DLGAP2: variants seen among roughly 807,000 people sequenced by gnomAD.
DLGAP2 encodes DLG associated protein 2.
A neutral mutation model predicts 100.3 loss-of-function variants in DLGAP2; 26 were observed. The ratio of observed to expected loss-of-function variants is 0.26; its 90% CI spans 0.19 to 0.36. The LOEUF (loss-of-function observed/expected upper bound fraction) is 0.36. DLGAP2 is among the 10% of genes least tolerant of loss of function. DLGAP2 has a pLI of 1.00. For missense variants in DLGAP2, 1,858 were observed against 1,453.2 expected (o/e 1.28, Z -4.53); for synonymous variants, 886 against 630.1 (o/e 1.41, Z -6.08).
At chr8:1,344,215 C>G (rs1258818930) in intron 3 of DLGAP2, among the ~76,000 whole-genome samples, 1 of 151,956 alleles carries the variant, frequency 6.6e-6, no homozygotes, top group Admixed American at 6.6e-5. Flanking sequence ...TGTCGTGGGG[C>G]CTGTGCCGTG....
intron 1 of DLGAP2, among the ~76,000 whole-genome samples, chr8:838,200 C>T (rs1421760153): frequency 6.6e-6 from 1 of 152,042 alleles, no homozygotes; most frequent in Non-Finnish European, 1.5e-5. Context: ...TCTTGTCTTT[C>T]CCCTCCCTTT....
In DLGAP2 at chr8:1,466,541, GTGTA is replaced by G. The variant is rs1181543402; in HGVS notation, c.107-34821_107-34818del. ...TCTCAATTTGTGTGTGTGTGTGTGTGTGTATGTGTGTGTGTCTGGCCCATATGTG... is the reference window on the plus strand; with the variant it reads ...TCTCAATTTGTGTGTGTGTGTGTGTGTGTGTGTGTGTCTGGCCCATATGTG... On this transcript the variant is annotated intron_variant, in intron 3 of 14. Coordinates refer to ENST00000637795, the MANE Select transcript of DLGAP2 (RefSeq NM_001346810.2). Among the ~76,000 whole-genome samples, 32 of 145,668 alleles carry G rather than the reference GTGTA, an allele frequency of 2.2e-4. No individual in the cohort carries two copies. The East Asian group carries it at 2.5e-3, about 12-fold the overall frequency.
At chr8:1,541,863 C>T (rs555063785) in intron 4 of DLGAP2, among the ~76,000 whole-genome samples, 40 of 152,282 alleles carry the variant, frequency 2.6e-4, no homozygotes, top group African/African-American at 8.9e-4. Flanking sequence ...GAAACGTGTA[C>T]AATGGAATGA....
chr8:1,505,090 T>C (rs1799860615), intron 4 of DLGAP2, among the ~76,000 whole-genome samples: 1 of 152,154 alleles, frequency 6.6e-6, no homozygotes, highest in Non-Finnish European at 1.5e-5. Flanking sequence ...TGGGAGCAAA[T>C]AGCATTATTT....
At chr8:1,325,494 G>A (rs557375251) in intron 3 of DLGAP2, among the ~76,000 whole-genome samples, 4 of 152,324 alleles carry the variant, frequency 2.6e-5, no homozygotes, top group Non-Finnish European at 4.4e-5. Flanking sequence ...TGGGGTGCTC[G>A]GCGGATTTAT....
At chr8:1,346,470 T>C (rs1024668901) in intron 3 of DLGAP2, among the ~76,000 whole-genome samples, 2 of 151,418 alleles carry the variant, frequency 1.3e-5, no homozygotes, top group Non-Finnish European at 2.9e-5. Context: ...TATGTGGAGG[T>C]TGTGTTCCCA....
intron 10 of DLGAP2, among the ~76,000 whole-genome samples, chr8:1,674,021 A>G (rs148687017): frequency 1.3e-3 from 200 of 152,204 alleles, no homozygotes; most frequent in African/African-American, 2.5e-3. Context: ...TAAAGTCTGT[A>G]TTATAAGCAT....
chr8:1,555,421 A>C (rs866664007), intron 5 of DLGAP2, among the ~76,000 whole-genome samples: 1 of 152,168 alleles, frequency 6.6e-6, no homozygotes, highest in African/African-American at 2.4e-5. Flanking sequence ...CTGACTGCAA[A>C]GCCTGTGTTG....
At chr8:934,552 C>T (rs1448760596) in intron 2 of DLGAP2, among the ~76,000 whole-genome samples, 1 of 152,208 alleles carries the variant, frequency 6.6e-6, no homozygotes, top group Non-Finnish European at 1.5e-5. Context: ...TCAGCTGCGC[C>T]TCCCAGGGGG....
At chr8:973,886 C>T (rs1200695664) in intron 2 of DLGAP2, among the ~76,000 whole-genome samples, 8 of 149,646 alleles carry the variant, frequency 5.3e-5, no homozygotes, top group African/African-American at 7.3e-5. Flanking sequence ...CTCTTCCCCT[C>T]CTCCGCCACC....
chr8:1,320,243 A>G (rs1363522893), intron 3 of DLGAP2, among the ~76,000 whole-genome samples: 2 of 151,996 alleles, frequency 1.3e-5, no homozygotes, highest in Non-Finnish European at 2.9e-5. Flanking sequence ...GGGGAAAGTT[A>G]TGTGTTCTTC....
chr8:1,655,043 A>G (rs1334905710), intron 8 of DLGAP2, among the ~76,000 whole-genome samples: 2 of 152,234 alleles, frequency 1.3e-5, no homozygotes, highest in Non-Finnish European at 2.9e-5. Flanking sequence ...TTTACTGTCT[A>G]CATGTTAAAT....
intron 2 of DLGAP2, among the ~76,000 whole-genome samples, chr8:1,234,244 G>A (rs1798596816): frequency 6.6e-6 from 1 of 152,156 alleles, no homozygotes; most frequent in Non-Finnish European, 1.5e-5. Flanking sequence ...AACCCTGAGT[G>A]GAACCAGCAC....
intron 10 of DLGAP2, among the ~76,000 whole-genome samples, chr8:1,673,084 T>C (rs183006857): frequency 6.6e-6 from 1 of 152,178 alleles, no homozygotes; most frequent in Non-Finnish European, 1.5e-5. Flanking sequence ...CTCATTCATC[T>C]TTTTTTCTTG....
chr8:1,476,447 GT>G (rs1486746415), intron 3 of DLGAP2, among the ~76,000 whole-genome samples: 2 of 152,094 alleles, frequency 1.3e-5, no homozygotes. Context: ...GTTCCTTCCT[GT>G]TTTTTATAGT....
At chr8:1,167,172 C>G (rs1424856610) in intron 2 of DLGAP2, among the ~76,000 whole-genome samples, 2 of 152,046 alleles carry the variant, frequency 1.3e-5, no homozygotes, top group African/African-American at 4.8e-5. Context: ...TTGTAAAAGC[C>G]TCCTGACTTA....
chr8:901,527 A>C (rs1798251010), intron 1 of DLGAP2, among the ~76,000 whole-genome samples: 1 of 152,216 alleles, frequency 6.6e-6, no homozygotes, highest in African/African-American at 2.4e-5. Context: ...CAGGCGGAAC[A>C]TCCAGAGAGG....
chr8:1,381,849 G>T (rs137889085), intron 3 of DLGAP2, among the ~76,000 whole-genome samples: 1 of 150,770 alleles, frequency 6.6e-6, no homozygotes, highest in African/African-American at 2.4e-5. Flanking sequence ...CAAAGTGAGC[G>T]TAGCCATTCA....
At chr8:852,318 A>C (rs1797197164) in intron 1 of DLGAP2, among the ~76,000 whole-genome samples, 1 of 152,120 alleles carries the variant, frequency 6.6e-6, no homozygotes, top group African/African-American at 2.4e-5. Context: ...GTCTCCACTG[A>C]GCTGTCATGA....
Sources: gnomAD v4.1 joint callset for allele counts (sites outside exome capture counted in the v4.1 genomes callset) on GRCh38, gnomAD v4.1.1 for gene constraint, MANE v1.5 for transcripts, NCBI Gene and HGNC (gene_info 2026-07-23, HGNC 2026-07-21) for gene names.